The following FBLN2 variants were observed in gnomAD, a reference collection of about 807,000 sequenced individuals.
The protein encoded by FBLN2 is fibulin-2.
FBLN2 carries 81 observed loss-of-function variants against 123.7 expected under a neutral mutation model. That is an observed-to-expected ratio of 0.65 (90% CI 0.55 to 0.79). The LOEUF is 0.79. FBLN2 is among the 30% of genes least tolerant of loss of function. The probability of loss-of-function intolerance (pLI) is 0.00; values close to 1 mark genes in which losing one functional copy is unlikely to be tolerated. For synonymous variants in FBLN2, 699 were observed against 701.4 expected (o/e 1.00, Z 0.05); for missense variants, 1,603 against 1,681.3 (o/e 0.95, Z 0.81).
intron 2 of FBLN2, among the ~76,000 whole-genome samples, chr3:13,591,575 ACC>A (rs1465135983): frequency 1.3e-5 from 2 of 152,204 alleles, no homozygotes; most frequent in Non-Finnish European, 2.9e-5. Flanking sequence ...GGCGTGAGCC[ACC>A]ACACCCGGCC....
chr3:13,620,601 G>T (rs561269941), intron 8 of FBLN2, among the ~76,000 whole-genome samples: 2 of 152,312 alleles, frequency 1.3e-5, no homozygotes, highest in East Asian at 3.9e-4. Context: ...GCACCTGCTG[G>T]GTTGGTTCCC....
chr3:13,580,468 G>T (rs111634311), intron 2 of FBLN2, among the ~76,000 whole-genome samples: 5 of 152,298 alleles, frequency 3.3e-5, no homozygotes, highest in African/African-American at 1.2e-4. Context: ...GCTGCCAGTC[G>T]TGGGGTGGGG....
intron 7 of FBLN2, among the ~76,000 whole-genome samples, chr3:13,619,342 T>C (rs1348536663): frequency 1.3e-5 from 2 of 152,130 alleles, no homozygotes; most frequent in Non-Finnish European, 2.9e-5. Flanking sequence ...TGTTCAGCGC[T>C]GTGTAGAAAG....
intron 1 of FBLN2, chr3:13,569,028 GAGA>G: frequency 1.0e-6 from 1 of 986,048 alleles, no homozygotes; most frequent in South Asian, 4.7e-5. Flanking sequence ...CTGGGAGTCG[GAGA>G]AGGAGCTCTT....
chr3:13,616,264 T>C (rs1335908288), intron 5 of FBLN2, among the ~76,000 whole-genome samples: 1 of 151,826 alleles, frequency 6.6e-6, no homozygotes, highest in East Asian at 1.9e-4. Flanking sequence ...TGGCTGAAGG[T>C]AGAGTTTGGG....
At chr3:13,562,780 G>A (rs1035661205) in intron 1 of FBLN2, among the ~76,000 whole-genome samples, 1 of 152,128 alleles carries the variant, frequency 6.6e-6, no homozygotes, top group Non-Finnish European at 1.5e-5. Flanking sequence ...CCATTAAGCA[G>A]GAACTCCTCC....
intron 1 of FBLN2, among the ~76,000 whole-genome samples, chr3:13,556,998 A>T (rs1397756618): frequency 6.6e-6 from 1 of 152,232 alleles, no homozygotes; most frequent in Non-Finnish European, 1.5e-5. Flanking sequence ...TTCTCTCGAA[A>T]TGAGGCCCGC....
intron 1 of FBLN2, among the ~76,000 whole-genome samples, chr3:13,558,116 G>T (rs1222620350): frequency 6.6e-6 from 1 of 152,218 alleles, no homozygotes; most frequent in Non-Finnish European, 1.5e-5. Flanking sequence ...TGAGGGACTC[G>T]CAGAGAGACT....
rs770480704 is a variant in FBLN2, at chr3:13,619,766, G to T, written c.2090G>T (p.Gly697Val). ...TGCAAGCAGGTGTGCAGCACTGTTG[G>T]GGGCTCAGCCATATGCTCCTGTTTT... ...GPCKQVCSTV[G>V]GSAICSCFPG... is the part of the protein sequence containing the mutation. The change falls in exon 8 of 18, where the codon GGG (glycine) becomes GTG (valine). Residue 697 changes from glycine to valine, a missense_variant. Transcript: ENST00000404922. 6.2e-7 allele frequency: 1 copy of T among 1,613,294 alleles called. No individual in the cohort carries two copies. The highest frequency in any genetic ancestry group is 1.1e-5 in the South Asian group (1 of 90,964).
chr3:13,582,636 G>A (rs917988052), intron 2 of FBLN2, among the ~76,000 whole-genome samples: 6 of 152,102 alleles, frequency 3.9e-5, no homozygotes, highest in Admixed American at 1.3e-4. Flanking sequence ...TCTGCCGCTC[G>A]TGGCTGTGTG....
intron 2 of FBLN2, among the ~76,000 whole-genome samples, chr3:13,590,253 C>T (rs1704627834): frequency 6.6e-6 from 1 of 152,236 alleles, no homozygotes; most frequent in South Asian, 2.1e-4. Context: ...AAGCAATCCT[C>T]CTGCCTCGCC....
chr3:13,566,143 C>T (rs1246570661), intron 1 of FBLN2, among the ~76,000 whole-genome samples: 1 of 152,180 alleles, frequency 6.6e-6, no homozygotes, highest in Non-Finnish European at 1.5e-5. Flanking sequence ...TGTCCCCCCG[C>T]AGGGAGGTCA....
chr3:13,630,922 A>G (rs1262088105), intron 15 of FBLN2, 107 bp downstream of exon 15: 1 of 861,452 alleles, frequency 1.2e-6, no homozygotes, highest in Non-Finnish European at 1.8e-6. Context: ...AGGTTTTAGC[A>G]TCAGATCTGA....
intron 1 of FBLN2, among the ~76,000 whole-genome samples, chr3:13,552,581 A>G (rs963583498): frequency 6.6e-6 from 1 of 151,860 alleles, no homozygotes; most frequent in African/African-American, 2.4e-5. Flanking sequence ...CTCCCAATAG[A>G]CCAGACAGAG....
intron 11 of FBLN2, 94 bp from the exon 12 acceptor site, chr3:13,628,811 C>T: frequency 2.0e-6 from 3 of 1,469,406 alleles, no homozygotes; most frequent in African/African-American, 1.4e-5. Context: ...GTCTGGAGCC[C>T]AGGACCGACC....
At chr3:13,575,684 G>A (rs981864426) in intron 2 of FBLN2, among the ~76,000 whole-genome samples, 1 of 152,156 alleles carries the variant, frequency 6.6e-6, no homozygotes, top group Non-Finnish European at 1.5e-5. Flanking sequence ...GCATCAAGAG[G>A]CAGGACTGGG....
chr3:13,556,639 G>A (rs1703471968), intron 1 of FBLN2, among the ~76,000 whole-genome samples: 1 of 152,212 alleles, frequency 6.6e-6, no homozygotes, highest in Non-Finnish European at 1.5e-5. Flanking sequence ...GGTGTGGTGG[G>A]GAGGCCATGG....
intron 1 of FBLN2, among the ~76,000 whole-genome samples, chr3:13,560,312 C>T (rs754435218): frequency 6.6e-6 from 1 of 151,990 alleles, no homozygotes; most frequent in Non-Finnish European, 1.5e-5. Context: ...TTATTTTTCC[C>T]AGGGTTTTCA....
chr3:13,612,953 C>T (rs533628208), intron 4 of FBLN2, among the ~76,000 whole-genome samples: 4 of 152,290 alleles, frequency 2.6e-5, no homozygotes, highest in South Asian at 2.1e-4. Context: ...ACCTGAGCCA[C>T]GCTCAGCTGA....
Sources: allele counts gnomAD v4.1 joint callset (sites outside exome capture counted in the v4.1 genomes callset), GRCh38; gene constraint gnomAD v4.1.1; transcripts MANE v1.5; gene names NCBI Gene and HGNC (gene_info 2026-07-23, HGNC 2026-07-21).